The following RFX1 variants were observed in gnomAD, a reference collection of about 807,000 sequenced individuals.
RFX1 encodes the protein regulatory factor X1.
In RFX1, 42 loss-of-function variants were observed where a neutral mutation model predicts 119.6. That is an observed-to-expected ratio of 0.35 (90% CI 0.27 to 0.45). The LOEUF is 0.45. RFX1 is among the 20% of genes least tolerant of loss of function. RFX1 has a pLI of 1.00. For synonymous variants in RFX1, 628 were observed against 618.5 expected (o/e 1.02, Z -0.23); for missense variants, 1,118 against 1,368.1 (o/e 0.82, Z 2.88).
intron 4 of RFX1, 108 bp downstream of exon 4, chr19:13,983,079 G>C: frequency 2.4e-6 from 2 of 846,950 alleles, no homozygotes; most frequent in South Asian, 3.3e-5. Flanking sequence ...CCCTGGATGG[G>C]GACTCTTCCC....
rs371487923 is a variant in RFX1, at chr19:13,966,537, C to T, written c.1852-7G>A. The T allele has an allele frequency of 2.3e-3, 3,540 of 1,559,372 alleles. 4 individuals are homozygous for T. Among genetic ancestry groups the T allele is most frequent in the Non-Finnish European group, 2.9e-3 (3,316 of 1,146,334 alleles). ...CCATGACGTCGACAATGGCCTGTGG[C>T]AGAGGCGGATGCTCAGGGAGGCTGG... On this transcript the variant is annotated splice_polypyrimidine_tract_variant and splice_region_variant and intron_variant, in intron 13 of 20. Coordinates refer to ENST00000254325, the MANE Select transcript of RFX1 (RefSeq NM_002918.5). The surrounding 1 kb of genome is among the most constrained non-coding windows in gnomAD (Gnocchi z 6.3).
At chr19:13,983,397 CG>C in intron 3 of RFX1, 88 bp downstream of exon 3, 2 of 1,241,356 alleles carry the variant, frequency 1.6e-6, no homozygotes, top group Non-Finnish European at 1.1e-6. Flanking sequence ...CAGCAGGAAG[CG>C]GGGAGGGGAG....
chr19:13,964,403 A>ATTTC (rs1362471691), intron 16 of RFX1, among the ~76,000 whole-genome samples: 1 of 145,970 alleles, frequency 6.9e-6, no homozygotes, highest in African/African-American at 2.6e-5. Context: ...TTTTTTTTTA[A>ATTTC]AAACGAAAGA....
chr19:13,973,189 T>G, intron 8 of RFX1, 62 bp from the exon 9 acceptor site: 27 of 759,926 alleles, frequency 3.6e-5, no homozygotes, highest in East Asian at 1.2e-4. Context: ...CCGAGGGGCA[T>G]GACTGTGCAG....
Position 13,986,226 on chromosome 19 carries a change from G to A in RFX1, c.320-2631C>T, listed in dbSNP as rs900080835. On this transcript the variant is annotated intron_variant, in intron 2 of 20. Coordinates refer to ENST00000254325, the MANE Select transcript of RFX1 (RefSeq NM_002918.5). This position sits in a 1 kb window ranked among gnomAD's most constrained non-coding sequence, Gnocchi z 4.2. ...AGGAAGCTCAAGGTGGGCAGGGAGT[G>A]GGGGGCTGGCCCCCCACCCTCTCCA... 2.6e-5 allele frequency among the ~76,000 whole-genome samples: 4 copies of A among 152,166 alleles called. No individual in the cohort carries two copies. Among genetic ancestry groups the A allele is most frequent in the Admixed American group, 2.6e-4 (4 of 15,288 alleles).
rs138067086 is a variant in RFX1, at chr19:13,979,658, A to G, written c.739-116T>C. ...ACAGCAGACCCATAAGCAAGAGGCC[A>G]CCATTCTCCAGCCAAGCAAGGAGGG... is the stretch of plus-strand genomic sequence containing the variant. On this transcript the variant is annotated intron_variant, in intron 6 of 20. Transcript: ENST00000254325. The G allele has an allele frequency of 3.0e-3, 1,695 of 563,992 alleles. 2 individuals carry two copies. The highest frequency in any genetic ancestry group is 4.2e-3 in the Non-Finnish European group (1,417 of 337,112). The allele number at this position is 563,992 out of a possible 1,614,324, so 34.9% of individuals were successfully genotyped here. A position where few individuals can be genotyped will look rare whatever the true frequency, so the allele number is the denominator to read the frequency against.
chr19:13,962,759 G>A lies in RFX1; in HGVS notation c.2876C>T (p.Pro959Leu). 1 of 1,530,022 alleles carries A rather than the reference G, an allele frequency of 6.5e-7. No homozygotes were observed. Among genetic ancestry groups the A allele is most frequent in the Non-Finnish European group, 8.7e-7 (1 of 1,143,416 alleles). The allele number at this position is 1,530,022 out of a possible 1,614,324, so 94.8% of individuals were successfully genotyped here. Reference protein sequence around the residue: ...SPALGPETLEPPAKLARTDAR... With the variant: ...SPALGPETLELPAKLARTDAR... Reference sequence around the variant, plus strand: ...GTCAGTCCGCGCCAGCTTGGCCGGCGGCTCCAGGGTCTCCGGGCCCAGCGC... The same window carrying A: ...GTCAGTCCGCGCCAGCTTGGCCGGCAGCTCCAGGGTCTCCGGGCCCAGCGC... The change falls in exon 21 of 21, where the codon CCG becomes CTG. Residue 959 changes from proline to leucine, a missense_variant. Pro to Leu is a moderately conservative substitution (Grantham distance 98). This residue lies in a region of RFX1 where 138 missense variants were observed against 117.8 expected (regional missense o/e 1.17). Transcript: ENST00000254325.
intron 8 of RFX1, 120 bp downstream of exon 8, chr19:13,977,872 C>T: frequency 1.4e-6 from 1 of 739,554 alleles, no homozygotes. Context: ...TGTCTGTCAC[C>T]TGAGGCCTTG....
At chr19:13,963,092 C>G in intron 19 of RFX1, 30 bp downstream of exon 19, 1 of 1,607,748 alleles carries the variant, frequency 6.2e-7, no homozygotes, top group Non-Finnish European at 8.5e-7. Flanking sequence ...TGGCGCCCCG[C>G]CCGCGCCCCC....
At chr19:14,004,066 G>A (rs187791197) in intron 1 of RFX1, among the ~76,000 whole-genome samples, 262 of 152,210 alleles carry the variant, frequency 1.7e-3, no homozygotes, top group Non-Finnish European at 2.5e-3. Flanking sequence ...GTGCCACCAC[G>A]CCTGGCTAAT....
chr19:13,991,588 C>T (rs1974803271), intron 2 of RFX1, among the ~76,000 whole-genome samples: 1 of 152,218 alleles, frequency 6.6e-6, no homozygotes, highest in African/African-American at 2.4e-5. Flanking sequence ...CAGACACTGC[C>T]AGAAGCCTCT....
intron 7 of RFX1, 27 bp from the exon 8 acceptor site, chr19:13,978,113 G>C: frequency 6.4e-7 from 1 of 1,563,968 alleles, no homozygotes; most frequent in East Asian, 2.2e-5. Flanking sequence ...GCACGTGGAG[G>C]GTCAGGGGTG....
intron 1 of RFX1, among the ~76,000 whole-genome samples, chr19:14,003,467 C>T (rs1975281510): frequency 6.7e-6 from 1 of 149,320 alleles, no homozygotes; most frequent in Admixed American, 6.6e-5. Flanking sequence ...CACGAGGGCT[C>T]TCACTGGATT....
chr19:13,985,414 TG>T lies in RFX1; in HGVS notation c.320-1820del, dbSNP rs781049971. ...CTGCTCTTGAACTCCTGGCTTCAAG[TG>T]ATCCGCCCGCCTCGGTCTCTCAAAG... On this transcript the variant is annotated intron_variant, in intron 2 of 20. Transcript: ENST00000254325. This position sits in a 1 kb window ranked among gnomAD's most constrained non-coding sequence, Gnocchi z 4.3. Among the ~76,000 whole-genome samples the T allele has an allele frequency of 6.6e-6, 1 of 151,890 alleles. No homozygotes were observed. The highest frequency in any genetic ancestry group is 1.5e-5 in the Non-Finnish European group (1 of 67,980).
chr19:13,994,926 AT>A (rs1568481488), intron 1 of RFX1, among the ~76,000 whole-genome samples: 8 of 110,992 alleles, frequency 7.2e-5, no homozygotes, highest in African/African-American at 2.9e-4. Context: ...ATATATATAT[AT>A]ATATATATAT....
chr19:13,996,799 T>C (rs1280115540), intron 1 of RFX1, among the ~76,000 whole-genome samples: 1 of 147,734 alleles, frequency 6.8e-6, no homozygotes, highest in Non-Finnish European at 1.5e-5. Flanking sequence ...CTTGGCTCAC[T>C]GCAACCTCTG....
chr19:13,980,505 G>A lies in RFX1; in HGVS notation c.738+68C>T, dbSNP rs549472535. The A allele has an allele frequency of 1.8e-5, 18 of 1,017,672 alleles. No homozygotes were observed. Among genetic ancestry groups the A allele is most frequent in the Admixed American group, 8.5e-5 (4 of 47,030 alleles). 63.0% of individuals were successfully genotyped at this position (1,017,672 alleles called of 1,614,324 possible). ...GCTCTAATAGGCCAGAGGCACAGCC[G>A]TGGGGGGCTGCAGAGGCTGCCTGGC... On this transcript the variant is annotated intron_variant, in intron 6 of 20. Coordinates refer to ENST00000254325, the MANE Select transcript of RFX1 (RefSeq NM_002918.5). The surrounding 1 kb of genome is among the most constrained non-coding windows in gnomAD (Gnocchi z 5.1).
chr19:13,983,583 C>T lies in RFX1; in HGVS notation c.332G>A (p.Arg111Gln), dbSNP rs757794827. ...GGCCTCCGACACTGTCTCGCTGGCC[C>T]GCATGGCACCTTCTGTGGGGAGGGG... The part of the protein sequence containing the change: ...IVVTVSEGAM[R>Q]ASETVSEASP... Residue 111 changes from arginine (R) to glutamine (Q), a missense_variant, in exon 3 of 21, where the codon CGG (arginine) becomes CAG (glutamine). By Grantham distance (43) the Arg-to-Gln change is conservative (BLOSUM62 1). This residue lies in a region of RFX1 where 542 missense variants were observed against 602.7 expected (regional missense o/e 0.90). Transcript: ENST00000254325. The T allele has an allele frequency of 4.1e-5, 65 of 1,603,706 alleles. 1 individual carries two copies. The highest frequency in any genetic ancestry group is 3.3e-4 in the Middle Eastern group (2 of 6,068).
intron 2 of RFX1, among the ~76,000 whole-genome samples, chr19:13,987,616 G>C (rs532645288): frequency 2.6e-5 from 4 of 152,308 alleles, no homozygotes; most frequent in Admixed American, 2.6e-4. Context: ...CAGAGGGTCA[G>C]GGAGGAAGGC....
Sources: gnomAD v4.1 joint callset for allele counts (sites outside exome capture counted in the v4.1 genomes callset) on GRCh38, gnomAD v4.1.1 for gene constraint, gnomAD v4.1.1 regional missense constraint, Gnocchi (gnomAD v3.1) non-coding constraint, MANE v1.5 for transcripts, NCBI Gene and HGNC (gene_info 2026-07-23, HGNC 2026-07-21) for gene names.